Variants in SCHIP1 observed in about 807,000 individuals in gnomAD.
SCHIP1 encodes the protein schwannomin interacting protein 1, also known as schwannomin-interacting protein 1.
A neutral mutation model predicts 29.7 loss-of-function variants in SCHIP1; 8 were observed. The observed-to-expected ratio is 0.27, with a 90% CI of 0.16 to 0.49. The LOEUF is 0.49. Ranked by LOEUF, SCHIP1 falls within the 20% of genes least tolerant of loss-of-function variation. The pLI, the probability that SCHIP1 is intolerant of heterozygous loss-of-function variation, is 0.99. For missense variants in SCHIP1, 193 were observed against 294.6 expected (o/e 0.66, Z 2.52); for synonymous variants, 76 against 94.9 (o/e 0.80, Z 1.16).
the SCHIP1 span, among the ~76,000 whole-genome samples, chr3:159,569,034 C>G: frequency 3.3e-5 from 5 of 152,158 alleles, no homozygotes; most frequent in Non-Finnish European, 5.9e-5. Context: ...AATTTACCAA[C>G]AAAAGCTTCC....
chr3:159,324,196 C>T, the SCHIP1 span, among the ~76,000 whole-genome samples: 1 of 151,928 alleles, frequency 6.6e-6, no homozygotes. Context: ...TTTCTCAATA[C>T]CTATGTGAAT....
chr3:159,838,872 G>A (rs1343254874), upstream of SCHIP1, among the ~76,000 whole-genome samples: 1 of 145,970 alleles, frequency 6.9e-6, no homozygotes, highest in African/African-American at 2.5e-5. Context: ...CTGCACTCCA[G>A]CCTGGGCAAC....
chr3:159,550,220 CTTT>C, the SCHIP1 span, among the ~76,000 whole-genome samples: 1 of 144,416 alleles, frequency 6.9e-6, no homozygotes, highest in Non-Finnish European at 1.5e-5. Context: ...TGTTAGCCTT[CTTT>C]TTAACATTAT....
chr3:159,639,966 T>C, the SCHIP1 span, among the ~76,000 whole-genome samples: 3 of 152,218 alleles, frequency 2.0e-5, no homozygotes, highest in Admixed American at 6.5e-5. Context: ...GCAAATATTT[T>C]TGCTATGCTT....
chr3:159,369,832 T>C, the SCHIP1 span, among the ~76,000 whole-genome samples: 1 of 152,086 alleles, frequency 6.6e-6, no homozygotes, highest in Non-Finnish European at 1.5e-5. Flanking sequence ...TTGATTGCCC[T>C]CAAGAAAAAT....
chr3:159,341,652 G>A, the SCHIP1 span, among the ~76,000 whole-genome samples: 2 of 152,104 alleles, frequency 1.3e-5, no homozygotes, highest in African/African-American at 4.8e-5. Context: ...CCACTTTCTC[G>A]AGCTTCGTTT....
At chr3:159,510,205 C>A in the SCHIP1 span, among the ~76,000 whole-genome samples, 1 of 152,162 alleles carries the variant, frequency 6.6e-6, no homozygotes. Flanking sequence ...CTTCTCATTT[C>A]ATTTCATTTA....
the SCHIP1 span, among the ~76,000 whole-genome samples, chr3:159,818,130 C>T: frequency 2.6e-5 from 4 of 151,512 alleles, no homozygotes; most frequent in Non-Finnish European, 2.9e-5. Context: ...GAGTGTGGAT[C>T]GAGGAGTAAG....
At chr3:159,379,884 A>G in the SCHIP1 span, among the ~76,000 whole-genome samples, 2 of 152,158 alleles carry the variant, frequency 1.3e-5, no homozygotes, top group African/African-American at 4.8e-5. Flanking sequence ...TAGCTCTACC[A>G]TGTACTATGC....
At chr3:159,420,909 C>T in the SCHIP1 span, among the ~76,000 whole-genome samples, 2 of 152,198 alleles carry the variant, frequency 1.3e-5, no homozygotes, top group African/African-American at 4.8e-5. Flanking sequence ...ACTTTTAAGA[C>T]ATAAGCAATT....
chr3:159,563,740 A>G, the SCHIP1 span, among the ~76,000 whole-genome samples: 1 of 152,198 alleles, frequency 6.6e-6, no homozygotes, highest in Non-Finnish European at 1.5e-5. Context: ...CAACAGAATC[A>G]CTTTAGCCAA....
chr3:159,404,910 C>T, the SCHIP1 span, among the ~76,000 whole-genome samples: 1 of 152,148 alleles, frequency 6.6e-6, no homozygotes, highest in Non-Finnish European at 1.5e-5. Context: ...TTGTGTCACT[C>T]CTCCCTCACC....
the SCHIP1 span, among the ~76,000 whole-genome samples, chr3:159,496,632 T>G: frequency 6.6e-6 from 1 of 152,132 alleles, no homozygotes; most frequent in Admixed American, 6.5e-5. Context: ...TGTGGAGAAA[T>G]AGGAACACTT....
rs918672219 is a variant in SCHIP1 at position 159,877,439 on chromosome 3, C to T, written c.150-8768C>T. Among the ~76,000 whole-genome samples, 8 of 152,214 alleles carry T rather than the reference C, an allele frequency of 5.3e-5. 1 individual carries two copies. The highest frequency in any genetic ancestry group is 1.5e-5 in the Non-Finnish European group (1 of 68,040). On this transcript the variant is annotated intron_variant, in intron 2 of 6. Transcript: ENST00000445224. ...TATTGATCCACTGCATTCTTTTTCA[C>T]GACTGCGTAGAATTCAAACAGTCAC...
chr3:159,477,596 G>A, the SCHIP1 span, among the ~76,000 whole-genome samples: 9 of 152,106 alleles, frequency 5.9e-5, no homozygotes, highest in African/African-American at 2.2e-4. Flanking sequence ...TCTGAGAATT[G>A]TCTGTTCAAG....
the SCHIP1 span, among the ~76,000 whole-genome samples, chr3:159,280,248 T>C: frequency 6.6e-6 from 1 of 152,206 alleles, no homozygotes; most frequent in African/African-American, 2.4e-5. Context: ...TAGACTATGC[T>C]TTATTGCTAT....
At chr3:159,477,617 A>G in the SCHIP1 span, among the ~76,000 whole-genome samples, 6,427 of 152,202 alleles carry the variant, frequency 0.042, 441 homozygotes, top group African/African-American at 0.15. Context: ...TCCTTTGCCC[A>G]TTCTTTAACT....
the SCHIP1 span, among the ~76,000 whole-genome samples, chr3:159,362,393 G>T: frequency 6.6e-6 from 1 of 152,142 alleles, no homozygotes; most frequent in Non-Finnish European, 1.5e-5. Context: ...GCACAGCACG[G>T]GAGACAATTG....
the SCHIP1 span, among the ~76,000 whole-genome samples, chr3:159,485,154 A>C: frequency 6.6e-6 from 1 of 152,132 alleles, no homozygotes; most frequent in Non-Finnish European, 1.5e-5. Context: ...TACTTCCTGG[A>C]TATCCACACT....
Sources: gnomAD v4.1 joint callset for allele counts (sites outside exome capture counted in the v4.1 genomes callset) on GRCh38, gnomAD v4.1.1 for gene constraint, MANE v1.5 for transcripts, NCBI Gene and HGNC (gene_info 2026-07-23, HGNC 2026-07-21) for gene names.